The following MAP7D2 variants were observed in gnomAD, a reference collection of about 807,000 sequenced individuals.
The protein encoded by MAP7D2 is MAP7 domain containing 2.
MAP7D2 carries 33 observed loss-of-function variants against 63.5 expected under a neutral mutation model. That is an observed-to-expected ratio of 0.52 (90% CI 0.39 to 0.70). MAP7D2 has a LOEUF of 0.70. Among genes scored for constraint, MAP7D2 ranks in the 30% least tolerant of loss-of-function variants. The pLI, the probability that MAP7D2 is intolerant of heterozygous loss-of-function variation, is 0.00. For synonymous variants in MAP7D2, 224 were observed against 223.7 expected (o/e 1.00, Z -0.01); for missense variants, 626 against 604.0 (o/e 1.04, Z -0.38).
intron 6 of MAP7D2, among the ~76,000 whole-genome samples, chrX:20,048,469 C>T (rs1050455598): frequency 2.7e-5 from 3 of 111,042 alleles, no homozygotes; most frequent in Non-Finnish European, 5.7e-5. Context: ...GCTGACTTTG[C>T]TTGCATCCTT....
intron 3 of MAP7D2, among the ~76,000 whole-genome samples, chrX:20,058,870 G>A (rs1327389648): frequency 8.9e-6 from 1 of 112,254 alleles, no homozygotes; most frequent in African/African-American, 3.2e-5. Context: ...CTTATTTAAG[G>A]TTAGTCCTGA....
chrX:20,013,414 G>A (rs891598015), intron 13 of MAP7D2, among the ~76,000 whole-genome samples, 155 bp downstream of exon 13: 4 of 111,486 alleles, frequency 3.6e-5, no homozygotes, highest in Non-Finnish European at 5.7e-5. Context: ...TTCTTTTCAG[G>A]TACCTAACCC....
In MAP7D2 at chrX:20,100,616, G is replaced by C. The variant is rs186903133; in HGVS notation, c.130+16134C>G. On this transcript the variant is annotated intron_variant, in intron 1 of 16. Transcript: ENST00000379643. ...AGATGTAACAGTGGAAGTAGAGCTG[G>C]GGGGGAGGGAGGGGAAGGAGCAAGA... Among the ~76,000 whole-genome samples the C allele has an allele frequency of 5.5e-5, 6 of 109,540 alleles. No homozygotes were observed. In the East Asian group the frequency reaches 1.4e-3, roughly 26 times the overall value.
chrX:20,096,259 C>CTT (rs777881819), intron 1 of MAP7D2, among the ~76,000 whole-genome samples: 5 of 86,942 alleles, frequency 5.8e-5, no homozygotes, highest in East Asian at 7.1e-4. Context: ...AGACCCTGTC[C>CTT]TTTTTTTTTT....
intron 8 of MAP7D2, among the ~76,000 whole-genome samples, chrX:20,034,345 T>C (rs1397421295): frequency 2.9e-5 from 3 of 105,077 alleles, no homozygotes; most frequent in African/African-American, 1.1e-4. Context: ...AGCTCAGGAG[T>C]GAACAAAGGG....
intron 10 of MAP7D2, among the ~76,000 whole-genome samples, chrX:20,020,178 G>A (rs2073586050): frequency 9.0e-6 from 1 of 111,673 alleles, no homozygotes; most frequent in Non-Finnish European, 1.9e-5. Context: ...CTGCTTAGAT[G>A]GAAATGCCAC....
intron 1 of MAP7D2, among the ~76,000 whole-genome samples, chrX:20,073,139 G>A (rs911777254): frequency 2.7e-5 from 3 of 111,160 alleles, no homozygotes; most frequent in Non-Finnish European, 3.8e-5. Context: ...TCTTATCTGC[G>A]GCCTTCTCCC....
chrX:20,072,517 T>G (rs2065530275), intron 1 of MAP7D2, among the ~76,000 whole-genome samples: 1 of 111,702 alleles, frequency 9.0e-6, no homozygotes, highest in African/African-American at 3.3e-5. Flanking sequence ...TTGTGCACAG[T>G]AAGCACTCAA....
chrX:20,089,934 G>C (rs1011740130), intron 1 of MAP7D2, among the ~76,000 whole-genome samples: 4 of 110,592 alleles, frequency 3.6e-5, no homozygotes, highest in Non-Finnish European at 7.5e-5. Flanking sequence ...TGACCACTGT[G>C]AATTTATATA....
rs778116516 is a variant in MAP7D2, at chrX:20,044,372, C to T, written c.871G>A (p.Ala291Thr). Reference protein sequence around the residue: ...VGKEALSGGEASLVEKVKRGQ... With the variant: ...VGKEALSGGETSLVEKVKRGQ... ...GGTGGTTTTAAACCTACCAGAGAGG[C>T]CTCTCCTCCTGAAAGGGCTTCTTTC... The change falls in exon 7 of 17, where the codon GCC becomes ACC. Residue 291 changes from alanine (A) to threonine (T), a missense_variant. By Grantham distance (58) the Ala-to-Thr change is moderately conservative. Transcript: ENST00000379643. 8.3e-7 allele frequency: 1 copy of T among 1,209,161 alleles called. No homozygotes were observed. The highest frequency in any genetic ancestry group is 2.2e-5 in the Admixed American group (1 of 45,663).
At chrX:20,051,224 T>G (rs1189299613) in intron 5 of MAP7D2, among the ~76,000 whole-genome samples, 3 of 111,258 alleles carry the variant, frequency 2.7e-5, no homozygotes, top group Non-Finnish European at 5.7e-5. Context: ...CTCAGAGAAT[T>G]AGCCCACCTC....
intron 10 of MAP7D2, among the ~76,000 whole-genome samples, chrX:20,018,145 T>C (rs1340069127): frequency 5.4e-5 from 6 of 110,159 alleles, no homozygotes; most frequent in Non-Finnish European, 7.6e-5. Flanking sequence ...TTTGTATTTT[T>C]AGTAGAGACG....
At chrX:20,099,402 T>G (rs1365797996) in intron 1 of MAP7D2, among the ~76,000 whole-genome samples, 2 of 111,588 alleles carry the variant, frequency 1.8e-5, no homozygotes, top group African/African-American at 3.3e-5. Context: ...AACTAGGGAA[T>G]GAAACAGAAC....
chrX:20,055,532 A>C (rs987551871), intron 4 of MAP7D2, among the ~76,000 whole-genome samples: 1 of 111,979 alleles, frequency 8.9e-6, no homozygotes, highest in Non-Finnish European at 1.9e-5. Context: ...CCGGGGCACT[A>C]AGATGTAAGG....
intron 1 of MAP7D2, among the ~76,000 whole-genome samples, chrX:20,088,491 TTTTTTTTTTTTTTTG>T (rs2065980766): frequency 2.7e-5 from 1 of 37,258 alleles, no homozygotes; most frequent in Non-Finnish European, 4.1e-5. Flanking sequence ...TTTTTTTTTT[TTTTTTTTTTTTTTTG>T]CAGAGACAGG....
intron 8 of MAP7D2, among the ~76,000 whole-genome samples, chrX:20,027,757 G>GGAGAGAGAGAGAGAGAGAGAGAGA (rs56796954): frequency 3.8e-4 from 29 of 76,241 alleles, no homozygotes; most frequent in African/African-American, 1.6e-3. Context: ...GAAGGCGGGG[G>GGAGAGAGAGAGAGAGAGAGAGAGA]GAGAGAGAGA....
At chrX:20,023,158 A>C (rs1056695947) in intron 10 of MAP7D2, among the ~76,000 whole-genome samples, 2 of 112,731 alleles carry the variant, frequency 1.8e-5, no homozygotes, top group African/African-American at 6.5e-5. Flanking sequence ...TTAGCTTCAG[A>C]AACGGACAAT....
At chrX:20,014,843 C>T (rs762303872) in intron 12 of MAP7D2, among the ~76,000 whole-genome samples, 180 of 110,666 alleles carry the variant, frequency 1.6e-3, no homozygotes, top group African/African-American at 5.8e-3. Flanking sequence ...CAACCTCCTA[C>T]GTAGCTGGGA....
At position 20,088,567 on chromosome X, in the gene MAP7D2, C is replaced by T. The variant is rs1435731855; in HGVS notation, c.131-23762G>A. Among the ~76,000 whole-genome samples, 3 of 96,167 alleles carry T rather than the reference C, an allele frequency of 3.1e-5. No homozygotes were observed. The Admixed American group carries it at 3.7e-4, about 12-fold the overall frequency. The allele number at this position is 96,167 out of a possible 115,157, so 83.5% of individuals were successfully genotyped here. ...CTCAAACTCCCGGGCTCAAGCAATC[C>T]TCCCACCTCAGCCTCCCAAAGTGTT... On this transcript the variant is annotated intron_variant, in intron 1 of 16. Transcript: ENST00000379643.
Sources: gnomAD v4.1 joint callset for allele counts (sites outside exome capture counted in the v4.1 genomes callset) on GRCh38, gnomAD v4.1.1 for gene constraint, MANE v1.5 for transcripts, NCBI Gene and HGNC (gene_info 2026-07-23, HGNC 2026-07-21) for gene names.